The following CDC37 variants were observed in gnomAD, a reference collection of about 807,000 sequenced individuals.
The protein encoded by CDC37 is cell division cycle 37, HSP90 cochaperone.
A neutral mutation model predicts 46.9 loss-of-function variants in CDC37; 9 were observed. The observed-to-expected ratio is 0.19, with a 90% CI of 0.12 to 0.33. CDC37 has a LOEUF of 0.33. CDC37 is among the 10% of genes least tolerant of loss of function. The probability of loss-of-function intolerance (pLI) is 1.00; values close to 1 mark genes in which losing one functional copy is unlikely to be tolerated. For missense variants in CDC37, 388 were observed against 514.6 expected (o/e 0.75, Z 2.38); for synonymous variants, 193 against 191.0 (o/e 1.01, Z -0.09).
At chr19:10,401,223 A>C (rs1265968451) in intron 1 of CDC37, among the ~76,000 whole-genome samples, 1 of 152,166 alleles carries the variant, frequency 6.6e-6, no homozygotes, top group Non-Finnish European at 1.5e-5. Flanking sequence ...GGGCTCAGGG[A>C]GGCTTCTTGT....
chr19:10,395,193 C>T (rs758501401), intron 4 of CDC37, 35 bp downstream of exon 4: 7 of 1,613,144 alleles, frequency 4.3e-6, no homozygotes, highest in South Asian at 3.3e-5. Flanking sequence ...CTCATGGCAG[C>T]GCCTTTTCAC....
chr19:10,395,896 T>TGCGCACTGCCCGCCCCGCCCGCC, intron 2 of CDC37, 32 bp downstream of exon 2: 1 of 1,599,212 alleles, frequency 6.3e-7, no homozygotes, highest in Non-Finnish European at 8.5e-7. Flanking sequence ...TGGCTGCGCA[T>TGCGCACTGCCCGCCCCGCCCGCC]GCGCACTGCC....
intron 7 of CDC37, among the ~76,000 whole-genome samples, chr19:10,391,991 G>A (rs1054846544): frequency 1.3e-5 from 2 of 152,142 alleles, no homozygotes; most frequent in African/African-American, 2.4e-5. Context: ...TAGTAGAGAT[G>A]GGGTTTTGCC....
chr19:10,400,122 G>C (rs1238747340), intron 1 of CDC37, among the ~76,000 whole-genome samples: 3 of 151,978 alleles, frequency 2.0e-5, no homozygotes, highest in African/African-American at 7.2e-5. Context: ...GAGTTGGCGG[G>C]GGCGGCAGCC....
In CDC37 at chr19:10,398,387, G is replaced by A. The variant is rs2042502439; in HGVS notation, c.103-2184C>T. 1.3e-5 allele frequency among the ~76,000 whole-genome samples: 2 copies of A among 152,208 alleles called. No homozygotes were observed. The highest frequency in any genetic ancestry group is 2.9e-5 in the Non-Finnish European group (2 of 68,036). ...AATGCTCCCTGCCTGAGGCACCACT[G>A]ATCCCTAAAGGACCTCCTGTGACCA... On this transcript the variant is annotated intron_variant, in intron 1 of 7. Transcript: ENST00000222005. This position sits in a 1 kb window ranked among gnomAD's most constrained non-coding sequence, Gnocchi z 4.2.
intron 7 of CDC37, among the ~76,000 whole-genome samples, chr19:10,392,373 G>A (rs548616841): frequency 6.6e-6 from 1 of 152,260 alleles, no homozygotes; most frequent in South Asian, 2.1e-4. Context: ...ACCTGGTCTA[G>A]ATGGCTATGC....
In CDC37 at chr19:10,398,628, T is replaced by C. The variant is rs1036712423; in HGVS notation, c.103-2425A>G. Among the ~76,000 whole-genome samples the C allele has an allele frequency of 1.3e-5, 2 of 152,232 alleles. No individual in the cohort carries two copies. The highest frequency in any genetic ancestry group is 4.8e-5 in the African/African-American group (2 of 41,460). Reference sequence around the variant, plus strand: ...GATTAGAGTAAAATGTCCCGAGCCATGTGGGCCCTCAGCACGCACCCTTCC... The same window carrying C: ...GATTAGAGTAAAATGTCCCGAGCCACGTGGGCCCTCAGCACGCACCCTTCC... On this transcript the variant is annotated intron_variant, in intron 1 of 7. Coordinates refer to ENST00000222005, the MANE Select transcript of CDC37 (RefSeq NM_007065.4). This position sits in a 1 kb window ranked among gnomAD's most constrained non-coding sequence, Gnocchi z 4.2.
chr19:10,392,755 T>C (rs1190322982), intron 7 of CDC37: 5 of 380,296 alleles, frequency 1.3e-5, no homozygotes. Flanking sequence ...TACCAGCCCC[T>C]GCCATGTGCT....
chr19:10,391,419 G>T lies in CDC37; in HGVS notation c.*132C>A. 9.2e-7 allele frequency: 1 copy of T among 1,081,860 alleles called. No homozygotes were observed. Among genetic ancestry groups the T allele is most frequent in the Non-Finnish European group, 1.4e-6 (1 of 709,588 alleles). The allele number at this position is 1,081,860 out of a possible 1,614,324, so 67.0% of individuals were successfully genotyped here. On this transcript the variant is annotated 3_prime_UTR_variant, in exon 8 of 8. Coordinates refer to ENST00000222005, the MANE Select transcript of CDC37 (RefSeq NM_007065.4). ...GACAGTGGAGAGGCCAGGGAGGGCT[G>T]GGCGGGCCCCCCAGGCTGGGCCGAG... is the stretch of plus-strand genomic sequence containing the variant.
At chr19:10,399,865 G>A (rs536895524) in intron 1 of CDC37, among the ~76,000 whole-genome samples, 4 of 149,658 alleles carry the variant, frequency 2.7e-5, no homozygotes, top group African/African-American at 7.4e-5. Context: ...CTGGGAGGTG[G>A]AGGTTACAGT....
At chr19:10,394,635 C>G (rs1270896819) in intron 5 of CDC37, among the ~76,000 whole-genome samples, 7 of 152,154 alleles carry the variant, frequency 4.6e-5, no homozygotes, top group Admixed American at 4.6e-4. Flanking sequence ...CTCCCAGGTT[C>G]AAGCGATTCT....
chr19:10,392,514 C>T (rs1599378978), intron 7 of CDC37, among the ~76,000 whole-genome samples: 2 of 152,086 alleles, frequency 1.3e-5, no homozygotes, highest in African/African-American at 2.4e-5. Context: ...TTAGATTCAA[C>T]GTCTATTACC....
chr19:10,391,802 C>A, intron 7 of CDC37, 96 bp from the exon 8 acceptor site: 3 of 1,291,128 alleles, frequency 2.3e-6, no homozygotes, highest in Middle Eastern at 2.7e-4. Flanking sequence ...GGCTTCCTGC[C>A]TATTGATATT....
In CDC37 at chr19:10,393,940, A is replaced by C. The variant is rs139529904; in HGVS notation, c.727-499T>G. Among the ~76,000 whole-genome samples the C allele has an allele frequency of 8.8e-3, 1,345 of 152,290 alleles. 10 individuals are homozygous for C. Among genetic ancestry groups the C allele is most frequent in the Non-Finnish European group, 0.011 (777 of 68,024 alleles). ...CCCCGTCTCTACTAAAATACAAAAA[A>C]TTAACCGGGCATGGTGGCACATGCC... On this transcript the variant is annotated intron_variant, in intron 5 of 7. Transcript: ENST00000222005. The surrounding 1 kb of genome is among the most constrained non-coding windows in gnomAD (Gnocchi z 4.9).
intron 5 of CDC37, among the ~76,000 whole-genome samples, chr19:10,394,817 C>T (rs770499599): frequency 2.0e-5 from 3 of 151,566 alleles, no homozygotes; most frequent in Non-Finnish European, 4.4e-5. Context: ...CAGGCGTGAG[C>T]CACTGCGCCC....
In CDC37 at chr19:10,396,966, G is replaced by A. The variant is rs1019989848; in HGVS notation, c.103-763C>T. ...AGAGCCCCCCACAGCTGACTCCATG[G>A]CACCCGTGCCATCTGGGCTCCATGT... On this transcript the variant is annotated intron_variant, in intron 1 of 7. Coordinates refer to ENST00000222005, the MANE Select transcript of CDC37 (RefSeq NM_007065.4). The surrounding 1 kb of genome is among the most constrained non-coding windows in gnomAD (Gnocchi z 5.9). Among the ~76,000 whole-genome samples the A allele has an allele frequency of 2.0e-5, 3 of 152,056 alleles. No individual in the cohort carries two copies. Among genetic ancestry groups the A allele is most frequent in the Non-Finnish European group, 2.9e-5 (2 of 68,010 alleles).
rs7254474 is a variant in CDC37 at position 10,398,689 on chromosome 19, A to G, written c.103-2486T>C. Among the ~76,000 whole-genome samples the G allele has an allele frequency of 0.12, 18,587 of 152,228 alleles. 1,303 individuals are homozygous for G. The highest frequency in any genetic ancestry group is 0.18 in the Middle Eastern group (53 of 294). On this transcript the variant is annotated intron_variant, in intron 1 of 7. Coordinates refer to ENST00000222005, the MANE Select transcript of CDC37 (RefSeq NM_007065.4). This position sits in a 1 kb window ranked among gnomAD's most constrained non-coding sequence, Gnocchi z 4.2. ...AGGGTCATTACCATCTGTGCAAGAG[A>G]ACAATCTCTCTCTCTCTCTGGGGAC...
Position 10,393,377 on chromosome 19 carries a change from C to G in CDC37, c.791G>C (p.Arg264Pro). 1 of 1,614,054 alleles carries G rather than the reference C, an allele frequency of 6.2e-7. No individual in the cohort carries two copies. ...DELEAFKERV[R>P]GRAKLRIEKA... ...CTCGATGCGCAGCTTGGCACGGCCC[C>G]GCACACGCTCCTTGAAGGCTTCCAG... Residue 264 changes from arginine to proline, a missense_variant, in exon 6 of 8, where the codon CGG (arginine) becomes CCG (proline). By Grantham distance (103) the Arg-to-Pro change is moderately radical. This residue lies in a region of CDC37 where 374 missense variants were observed against 467.4 expected (regional missense o/e 0.80). Coordinates refer to ENST00000222005, the MANE Select transcript of CDC37 (RefSeq NM_007065.4). The surrounding 1 kb of genome is among the most constrained non-coding windows in gnomAD (Gnocchi z 4.9).
chr19:10,391,368 G>A lies in CDC37; in HGVS notation c.*183C>T. ...GTGAAGCCCCTTGACTCAAAGCAGA[G>A]ACTTGAATGGGCGCTGGAGAGTGGA... is the stretch of plus-strand genomic sequence containing the variant. On this transcript the variant is annotated 3_prime_UTR_variant, in exon 8 of 8. Transcript: ENST00000222005. The A allele has an allele frequency of 2.9e-6, 2 of 698,330 alleles. No homozygotes were observed. The highest frequency in any genetic ancestry group is 5.0e-6 in the Non-Finnish European group (2 of 401,106). 43.3% of individuals were successfully genotyped at this position (698,330 alleles called of 1,614,324 possible).
Sources: allele counts gnomAD v4.1 joint callset (sites outside exome capture counted in the v4.1 genomes callset), GRCh38; gene constraint gnomAD v4.1.1; regional missense constraint gnomAD v4.1.1; non-coding constraint Gnocchi (gnomAD v3.1); transcripts MANE v1.5; gene names NCBI Gene and HGNC (gene_info 2026-07-23, HGNC 2026-07-21).